The following PALM2AKAP2 variants were observed in gnomAD, a reference collection of about 807,000 sequenced individuals.
The protein encoded by PALM2AKAP2 is PALM2-AKAP2 fusion protein.
Under a neutral mutation model 71.5 loss-of-function variants are expected in PALM2AKAP2, and 37 were observed. The observed-to-expected ratio is 0.52, with a 90% CI of 0.40 to 0.68. The LOEUF (loss-of-function observed/expected upper bound fraction) is 0.68. Ranked by LOEUF, PALM2AKAP2 falls within the 30% of genes least tolerant of loss-of-function variation. PALM2AKAP2 has a pLI of 0.00. For missense variants in PALM2AKAP2, 1,224 were observed against 1,191.8 expected, an observed-to-expected ratio of 1.03 and a Z score of -0.40; for synonymous variants, 468 against 478.8, an observed-to-expected ratio of 0.98 and a Z score of 0.29.
Position 110,101,625 on chromosome 9 carries a change from G to A in PALM2AKAP2, c.157-34502G>A, listed in dbSNP as rs747745669. Among the ~76,000 whole-genome samples the A allele has an allele frequency of 3.4e-4, 51 of 152,070 alleles. 1 individual carries two copies. The highest frequency in any genetic ancestry group is 2.1e-4 in the Non-Finnish European group (14 of 68,022). On this transcript the variant is annotated intron_variant, in intron 1 of 3. Transcript: ENST00000374525. ...CCACGTGCTTTCAGGTGCAAACAGC[G>A]GCCGCCTTTTTTCACTGGACATCAT...
intron 1 of PALM2AKAP2, among the ~76,000 whole-genome samples, chr9:109,829,736 A>G (rs1314152136): frequency 2.6e-5 from 4 of 152,030 alleles, no homozygotes; most frequent in East Asian, 3.9e-4. Context: ...ATTGTCTTCA[A>G]TTAAGGTTTG....
intron 1 of PALM2AKAP2, among the ~76,000 whole-genome samples, chr9:109,797,325 T>C (rs935650796): frequency 6.6e-6 from 1 of 151,390 alleles, no homozygotes; most frequent in Non-Finnish European, 1.5e-5. Context: ...CACTGAATGC[T>C]TTTTGAATGG....
chr9:109,924,844 A>C (rs988843027), intron 4 of PALM2AKAP2, among the ~76,000 whole-genome samples: 1 of 152,224 alleles, frequency 6.6e-6, no homozygotes, highest in African/African-American at 2.4e-5. Context: ...CATTGAAATA[A>C]ATCTCTATTG....
Position 110,019,090 on chromosome 9 carries a change from T to G in PALM2AKAP2, c.582+3051T>G, listed in dbSNP as rs149461373. On this transcript the variant is annotated intron_variant, in intron 7 of 9. Transcript: ENST00000302798. ...GCCGACTCTACTAAAAATACAAAAATTAGCCGGGTGTGATGGCGCGTGCCT... is the reference window on the plus strand; with the variant it reads ...GCCGACTCTACTAAAAATACAAAAAGTAGCCGGGTGTGATGGCGCGTGCCT... Among the ~76,000 whole-genome samples, 1,266 of 151,852 alleles carry G rather than the reference T, an allele frequency of 8.3e-3. 25 individuals are homozygous for G. Among genetic ancestry groups the G allele is most frequent in the African/African-American group, 0.029 (1,204 of 41,402 alleles).
chr9:109,987,420 T>G (rs1832401576), intron 6 of PALM2AKAP2, among the ~76,000 whole-genome samples: 1 of 152,160 alleles, frequency 6.6e-6, no homozygotes. Flanking sequence ...TGAGCCACCA[T>G]GACCAGCCTG....
At chr9:110,170,477 A>G (rs1299956979) in exon 4 of PALM2AKAP2, 1 of 152,430 alleles carries the variant, frequency 6.6e-6, no homozygotes, top group Admixed American at 6.5e-5. Context: ...GCACAAAGTA[A>G]AAAATGGAAC....
upstream of PALM2AKAP2, among the ~76,000 whole-genome samples, chr9:110,045,836 G>A (rs1833587097): frequency 6.6e-6 from 1 of 152,108 alleles, no homozygotes; most frequent in Non-Finnish European, 1.5e-5. Flanking sequence ...CCAAAGTGCT[G>A]GGATTACAGG....
chr9:109,936,839 G>C (rs1165231053), intron 6 of PALM2AKAP2, among the ~76,000 whole-genome samples: 1 of 152,178 alleles, frequency 6.6e-6, no homozygotes, highest in Non-Finnish European at 1.5e-5. Context: ...AATGACAGCG[G>C]AACATGTGGT....
At chr9:109,953,820 G>A (rs116506159) in intron 6 of PALM2AKAP2, among the ~76,000 whole-genome samples, 76 of 123,380 alleles carry the variant, frequency 6.2e-4, no homozygotes, top group African/African-American at 2.3e-3. Flanking sequence ...GGGTGATATA[G>A]CAAGACTCCA....
chr9:109,894,692 A>G (rs1016673936), intron 3 of PALM2AKAP2, among the ~76,000 whole-genome samples: 2 of 152,050 alleles, frequency 1.3e-5, no homozygotes, highest in African/African-American at 4.8e-5. Context: ...TTGGGATCAG[A>G]CCCTTGTCCA....
chr9:110,027,758 C>G (rs886073359), intron 7 of PALM2AKAP2, among the ~76,000 whole-genome samples: 2 of 152,202 alleles, frequency 1.3e-5, no homozygotes, highest in Non-Finnish European at 2.9e-5. Context: ...CATTTAGACT[C>G]TTCCGGTGGT....
chr9:109,819,777 A>G (rs987965759), intron 1 of PALM2AKAP2, among the ~76,000 whole-genome samples: 1 of 152,134 alleles, frequency 6.6e-6, no homozygotes, highest in Non-Finnish European at 1.5e-5. Context: ...ATAGCACTGC[A>G]TATACAAAGA....
chr9:109,867,208 G>A, intron 1 of PALM2AKAP2: 1 of 377,672 alleles, frequency 2.6e-6, no homozygotes, highest in Non-Finnish European at 5.2e-6. Context: ...GTGTGTGTCT[G>A]TGTGTGTGTG....
chr9:109,667,358 C>A (rs1827502113), intron 1 of PALM2AKAP2, among the ~76,000 whole-genome samples: 1 of 151,980 alleles, frequency 6.6e-6, no homozygotes, highest in Admixed American at 6.6e-5. Context: ...AGATGTTTTT[C>A]AAAAATTACT....
At chr9:110,088,700 C>T (rs553415900) in intron 1 of PALM2AKAP2, among the ~76,000 whole-genome samples, 9 of 95,066 alleles carry the variant, frequency 9.5e-5, no homozygotes, top group South Asian at 4.2e-4. Flanking sequence ...TTTGCATTTA[C>T]GTGTTTTTTT....
intron 2 of PALM2AKAP2, among the ~76,000 whole-genome samples, chr9:110,138,893 G>A (rs1013036521): frequency 3.3e-5 from 5 of 152,222 alleles, no homozygotes; most frequent in African/African-American, 1.2e-4. Context: ...GTGGACCCAT[G>A]TGTGGACTAT....
chr9:109,898,929 T>A (rs959716458), intron 3 of PALM2AKAP2, among the ~76,000 whole-genome samples: 2 of 152,174 alleles, frequency 1.3e-5, no homozygotes, highest in Non-Finnish European at 1.5e-5. Flanking sequence ...TGAAACACAC[T>A]CTCTCCTTGT....
At chr9:109,897,919 C>T (rs1413083582) in intron 3 of PALM2AKAP2, among the ~76,000 whole-genome samples, 1 of 152,142 alleles carries the variant, frequency 6.6e-6, no homozygotes, top group Non-Finnish European at 1.5e-5. Flanking sequence ...TTCAGTTGAA[C>T]AAGGTGGAGA....
chr9:109,662,634 T>TG (rs1827416892), intron 1 of PALM2AKAP2, among the ~76,000 whole-genome samples: 1 of 152,010 alleles, frequency 6.6e-6, no homozygotes, highest in African/African-American at 2.4e-5. Context: ...TTCTCTTTTT[T>TG]TTGTTGTGTC....
Sources: allele counts gnomAD v4.1 joint callset (sites outside exome capture counted in the v4.1 genomes callset), GRCh38; gene constraint gnomAD v4.1.1; transcripts MANE v1.5; gene names NCBI Gene and HGNC (gene_info 2026-07-23, HGNC 2026-07-21).